The following COL24A1 variants were observed in gnomAD, a reference collection of about 807,000 sequenced individuals.
The protein encoded by COL24A1 is collagen type XXIV alpha 1 chain, also known as collagen alpha-1(XXIV) chain.
A neutral mutation model predicts 253.9 loss-of-function variants in COL24A1; 224 were observed. The ratio of observed to expected loss-of-function variants is 0.88; its 90% CI spans 0.79 to 0.99. The LOEUF (loss-of-function observed/expected upper bound fraction) is 0.99. Among genes scored for constraint, COL24A1 ranks in the 50% least tolerant of loss-of-function variants. The probability of loss-of-function intolerance (pLI) is 0.00; values close to 1 mark genes in which losing one functional copy is unlikely to be tolerated. For synonymous variants in COL24A1, 685 were observed against 673.7 expected (o/e 1.02, Z -0.26); for missense variants, 2,131 against 2,068.5 (o/e 1.03, Z -0.59).
intron 7 of COL24A1, among the ~76,000 whole-genome samples, chr1:86,072,453 T>C (rs1254271838): frequency 3.3e-5 from 5 of 152,162 alleles, no homozygotes; most frequent in Admixed American, 6.5e-5. Context: ...TCCTCCTCTC[T>C]GCGCAGGGCA....
At position 85,783,017 on chromosome 1, in the gene COL24A1, T is replaced by C. The variant is rs985064965; in HGVS notation, c.4284+479A>G. On this transcript the variant is annotated intron_variant, in intron 51 of 59. Transcript: ENST00000370571. ...CTAATTGGAGTTCTTCAGACCCTGC[T>C]TTTTGCAACTATTTAAGCGGTTCCT... 3.3e-5 allele frequency among the ~76,000 whole-genome samples: 5 copies of C among 152,218 alleles called. 1 individual carries two copies. The highest frequency in any genetic ancestry group is 1.2e-4 in the African/African-American group (5 of 41,462).
chr1:85,776,981 C>T (rs1469102728), intron 52 of COL24A1, among the ~76,000 whole-genome samples: 3 of 151,470 alleles, frequency 2.0e-5, no homozygotes, highest in Non-Finnish European at 4.4e-5. Flanking sequence ...GAAGGAGTCT[C>T]GCTCTGTCAC....
chr1:85,758,265 C>T (rs116098485), intron 55 of COL24A1, among the ~76,000 whole-genome samples: 4,084 of 97,316 alleles, frequency 0.042, 97 homozygotes, highest in Non-Finnish European at 0.057. Flanking sequence ...TCTAGAGAAC[C>T]AGTATATAAT....
At chr1:85,986,736 C>T (rs769500320) in intron 20 of COL24A1, among the ~76,000 whole-genome samples, 1 of 151,788 alleles carries the variant, frequency 6.6e-6, no homozygotes, top group Non-Finnish European at 1.5e-5. Flanking sequence ...ATATTAAGAA[C>T]ACTAACAAAT....
At chr1:86,102,336 G>C (rs1365511086) in intron 5 of COL24A1, among the ~76,000 whole-genome samples, 2 of 152,010 alleles carry the variant, frequency 1.3e-5, no homozygotes, top group African/African-American at 2.4e-5. Flanking sequence ...CAAAAAACCA[G>C]TTCCAGGATT....
chr1:86,024,743 T>C (rs375407622), intron 14 of COL24A1, among the ~76,000 whole-genome samples: 30 of 152,276 alleles, frequency 2.0e-4, no homozygotes, highest in East Asian at 3.9e-4. Flanking sequence ...TTAAAACTTA[T>C]GATAGGTTAG....
chr1:85,947,676 C>T (rs17128506), intron 24 of COL24A1, among the ~76,000 whole-genome samples: 1,890 of 152,298 alleles, frequency 0.012, 49 homozygotes, highest in African/African-American at 0.043. Flanking sequence ...GATTGAACTT[C>T]AAGTGGCATG....
intron 24 of COL24A1, among the ~76,000 whole-genome samples, chr1:85,915,246 G>A (rs867653184): frequency 1.2e-4 from 19 of 152,164 alleles, no homozygotes; most frequent in African/African-American, 4.3e-4. Context: ...TTTGAACTAG[G>A]ACAGCATTGA....
chr1:85,934,376 T>C (rs189525078), intron 24 of COL24A1, among the ~76,000 whole-genome samples: 1 of 152,302 alleles, frequency 6.6e-6, no homozygotes, highest in Admixed American at 6.5e-5. Context: ...CTTGGCTTGA[T>C]TTGATATTTT....
At chr1:86,092,365 T>A (rs776926901) in intron 5 of COL24A1, 45 bp from the exon 6 acceptor site, 13 of 1,393,098 alleles carry the variant, frequency 9.3e-6, no homozygotes, top group African/African-American at 5.7e-5. Flanking sequence ...ATAAGTTGCA[T>A]ATAATGTGTC....
chr1:85,863,617 C>T (rs1679423625), intron 37 of COL24A1, among the ~76,000 whole-genome samples: 1 of 152,092 alleles, frequency 6.6e-6, no homozygotes, highest in Non-Finnish European at 1.5e-5. Context: ...AACAGGCAAC[C>T]TATAGAATGG....
At chr1:86,053,653 G>A (rs74852500) in intron 10 of COL24A1, among the ~76,000 whole-genome samples, 8,818 of 152,044 alleles carry the variant, frequency 0.058, 541 homozygotes, top group African/African-American at 0.15. Context: ...AGAAGGTCGG[G>A]AGAGGTTCTA....
intron 43 of COL24A1, among the ~76,000 whole-genome samples, chr1:85,828,410 G>GT (rs1242330767): frequency 1.3e-5 from 2 of 151,174 alleles, no homozygotes; most frequent in Middle Eastern, 3.2e-3. Context: ...TTGATTTGGG[G>GT]TGGAGAGTTC....
At chr1:85,971,637 C>A (rs954772835) in intron 20 of COL24A1, among the ~76,000 whole-genome samples, 1 of 152,148 alleles carries the variant, frequency 6.6e-6, no homozygotes, top group African/African-American at 2.4e-5. Flanking sequence ...ATTCTTCAAC[C>A]TCCAGACACC....
At chr1:86,063,840 T>G (rs1446364653) in intron 7 of COL24A1, 81 bp from the exon 8 acceptor site, 1 of 945,534 alleles carries the variant, frequency 1.1e-6, no homozygotes, top group African/African-American at 1.7e-5. Context: ...GCAAGTTGCC[T>G]TATATCCCAA....
At chr1:85,762,753 A>G (rs951596343) in intron 53 of COL24A1, among the ~76,000 whole-genome samples, 5 of 152,214 alleles carry the variant, frequency 3.3e-5, no homozygotes, top group African/African-American at 7.2e-5. Context: ...CAGTTGCAAT[A>G]GTCCATTCCA....
At chr1:86,112,872 C>T (rs1481019680) in intron 4 of COL24A1, among the ~76,000 whole-genome samples, 3 of 152,248 alleles carry the variant, frequency 2.0e-5, no homozygotes, top group East Asian at 3.9e-4. Context: ...TACTAATTTC[C>T]GTAGAAATTT....
intron 2 of COL24A1, among the ~76,000 whole-genome samples, chr1:86,145,461 T>G (rs1311090755): frequency 6.6e-6 from 1 of 151,820 alleles, no homozygotes; most frequent in Non-Finnish European, 1.5e-5. Context: ...ATAAAGGCAT[T>G]TTTTTCACTT....
chr1:85,836,064 T>A (rs1675967201), intron 43 of COL24A1, among the ~76,000 whole-genome samples: 1 of 152,094 alleles, frequency 6.6e-6, no homozygotes. Flanking sequence ...CCTTGCTAAG[T>A]TTTCCCCAGT....
Sources: allele counts gnomAD v4.1 joint callset (sites outside exome capture counted in the v4.1 genomes callset), GRCh38; gene constraint gnomAD v4.1.1; transcripts MANE v1.5; gene names NCBI Gene and HGNC (gene_info 2026-07-23, HGNC 2026-07-21).